The following SOBP variants were observed in gnomAD, a reference collection of about 807,000 sequenced individuals.
SOBP encodes the protein sine oculis binding protein homolog.
In SOBP, 4 loss-of-function variants were observed where a neutral mutation model predicts 53.6. The observed-to-expected ratio is 0.07, with a 90% CI of 0.04 to 0.17. SOBP has a LOEUF of 0.17. Among genes scored for constraint, SOBP ranks in the 10% least tolerant of loss-of-function variants. SOBP has a pLI of 1.00. For missense variants in SOBP, 1,088 were observed against 1,204.7 expected (o/e 0.90, Z 1.43); for synonymous variants, 584 against 522.6 (o/e 1.12, Z -1.60).
chr6:107,573,895 A>T (rs956785509), intron 4 of SOBP, among the ~76,000 whole-genome samples: 1 of 152,264 alleles, frequency 6.6e-6, no homozygotes, highest in Non-Finnish European at 1.5e-5. Flanking sequence ...CTTTACTGTT[A>T]TCATTGAACT....
At chr6:107,491,752 A>G (rs561098571) in intron 1 of SOBP, among the ~76,000 whole-genome samples, 4 of 152,232 alleles carry the variant, frequency 2.6e-5, no homozygotes, top group Non-Finnish European at 4.4e-5. Flanking sequence ...CATCTTCTGC[A>G]TGAAATCCTT....
intron 4 of SOBP, among the ~76,000 whole-genome samples, chr6:107,537,274 A>G (rs1784026089): frequency 6.6e-6 from 1 of 152,240 alleles, no homozygotes; most frequent in Non-Finnish European, 1.5e-5. Context: ...AGTCACTTCC[A>G]AATGGCCTGT....
chr6:107,585,955 T>A (rs893085642), intron 4 of SOBP, among the ~76,000 whole-genome samples: 3 of 152,122 alleles, frequency 2.0e-5, no homozygotes, highest in African/African-American at 7.2e-5. Context: ...CATTGTTTTC[T>A]CCCCCCTCAA....
chr6:107,643,929 A>G (rs186448618), intron 6 of SOBP, among the ~76,000 whole-genome samples: 1 of 152,360 alleles, frequency 6.6e-6, no homozygotes, highest in African/African-American at 2.4e-5. Context: ...AAAAAATCAT[A>G]AACAAGATTG....
chr6:107,623,824 G>C lies in SOBP; in HGVS notation c.670-9690G>C, dbSNP rs141622418. ...CGGTTGACCAGAAACTCAGAGTGAA[G>C]TAGGCAGCATAGTAGAGTGAAAAGA... is the stretch of plus-strand genomic sequence containing the variant. On this transcript the variant is annotated intron_variant, in intron 5 of 6. Coordinates refer to ENST00000317357, the MANE Select transcript of SOBP (RefSeq NM_018013.4). 1.9e-3 allele frequency among the ~76,000 whole-genome samples: 283 copies of C among 152,312 alleles called. 2 individuals are homozygous for C. The highest frequency in any genetic ancestry group is 5.8e-3 in the African/African-American group (241 of 41,576).
chr6:107,572,638 A>C (rs972073903), intron 4 of SOBP, among the ~76,000 whole-genome samples: 4 of 152,184 alleles, frequency 2.6e-5, no homozygotes, highest in Admixed American at 6.5e-5. Flanking sequence ...GGTGAGCCAA[A>C]TATCAGATTG....
At chr6:107,517,370 G>A (rs962722327) in intron 3 of SOBP, among the ~76,000 whole-genome samples, 1 of 152,120 alleles carries the variant, frequency 6.6e-6, no homozygotes, top group Admixed American at 6.5e-5. Flanking sequence ...CTCTCTCCTT[G>A]GAGTGTAGAT....
intron 1 of SOBP, among the ~76,000 whole-genome samples, chr6:107,496,937 G>C (rs1376512234): frequency 6.6e-6 from 1 of 152,226 alleles, no homozygotes; most frequent in Admixed American, 6.5e-5. Flanking sequence ...CACTGGGTCT[G>C]TGTTAAGAAA....
At chr6:107,562,626 C>T (rs1583214457) in intron 4 of SOBP, among the ~76,000 whole-genome samples, 1 of 152,134 alleles carries the variant, frequency 6.6e-6, no homozygotes, top group African/African-American at 2.4e-5. Context: ...CTGGGGCAAA[C>T]AGTTATTTCC....
In SOBP at chr6:107,490,441, G is replaced by A; in HGVS notation, c.-176G>A. The stretch of plus-strand genomic sequence containing the variant: ...ACTGACGTCCTCCGCCGCTAGAAGA[G>A]ACCCCGCTTCTCGGCGCCTGCCCTC... On this transcript the variant is annotated 5_prime_UTR_variant, in exon 1 of 7. Transcript: ENST00000317357. 1.7e-6 allele frequency: 1 copy of A among 575,396 alleles called. No individual in the cohort carries two copies. The highest frequency in any genetic ancestry group is 3.1e-6 in the Non-Finnish European group (1 of 323,760). 35.6% of individuals were successfully genotyped at this position (575,396 alleles called of 1,614,324 possible).
rs1367266412 is a variant in SOBP at position 107,509,539 on chromosome 6, A to G, written c.421+3112A>G. The stretch of plus-strand genomic sequence containing the variant: ...ATTGTGCATAAAAAGGTGTGCATCC[A>G]AATGCAAATTGGTCTCTAAGATTTA... On this transcript the variant is annotated intron_variant, in intron 3 of 6. Coordinates refer to ENST00000317357, the MANE Select transcript of SOBP (RefSeq NM_018013.4). 2.0e-5 allele frequency among the ~76,000 whole-genome samples: 3 copies of G among 152,126 alleles called. No individual in the cohort carries two copies. In the East Asian group the frequency reaches 5.8e-4, roughly 29 times the overall value.
Position 107,634,759 on chromosome 6 carries a change from C to G in SOBP, c.1915C>G (p.Gln639Glu). 7.4e-7 allele frequency: 1 copy of G among 1,343,836 alleles called. No individual in the cohort carries two copies. The highest frequency in any genetic ancestry group is 9.5e-7 in the Non-Finnish European group (1 of 1,053,948). The allele number at this position is 1,343,836 out of a possible 1,614,324, so 83.2% of individuals were successfully genotyped here. Residue 639 changes from glutamine (Q) to glutamate (E), a missense_variant, in exon 6 of 7, where the codon CAG (glutamine) becomes GAG (glutamate). By Grantham distance (29) the Gln-to-Glu change is conservative (BLOSUM62 2). Around this residue, in one of 6 missense-constraint regions of SOBP, gnomAD observed 665 missense variants for 629.7 expected, o/e 1.06. Transcript: ENST00000317357. The surrounding 1 kb of genome is among the most constrained non-coding windows in gnomAD (Gnocchi z 4.5). ...SPPGPPGAGG[Q>E]LGFPGVLQGP... ...CCCGGGCCCCCCGGGCGCGGGCGGC[C>G]AGCTCGGCTTCCCAGGCGTGCTGCA...
chr6:107,648,038 G>A (rs1237036797), intron 6 of SOBP, among the ~76,000 whole-genome samples: 1 of 152,126 alleles, frequency 6.6e-6, no homozygotes, highest in Non-Finnish European at 1.5e-5. Flanking sequence ...CTGCTAATGG[G>A]CTGGTCATAA....
intron 4 of SOBP, among the ~76,000 whole-genome samples, chr6:107,545,292 A>G (rs1784266894): frequency 6.6e-6 from 1 of 152,210 alleles, no homozygotes; most frequent in African/African-American, 2.4e-5. Flanking sequence ...GTTAACGTTA[A>G]TACAAGGGCA....
chr6:107,575,010 C>T (rs1460978914), intron 4 of SOBP, among the ~76,000 whole-genome samples: 1 of 152,232 alleles, frequency 6.6e-6, no homozygotes, highest in Non-Finnish European at 1.5e-5. Context: ...TTCTGCCACT[C>T]ATTGTCACCA....
intron 1 of SOBP, among the ~76,000 whole-genome samples, chr6:107,502,580 G>A (rs533102801): frequency 6.6e-6 from 1 of 152,068 alleles, no homozygotes; most frequent in Non-Finnish European, 1.5e-5. Flanking sequence ...TTACATTTAT[G>A]TATTGATTTA....
chr6:107,529,567 T>A (rs1304916061), intron 3 of SOBP: 1 of 985,334 alleles, frequency 1.0e-6, no homozygotes, highest in Non-Finnish European at 1.2e-6. Flanking sequence ...TTTAATTGCC[T>A]GGAGTCCATT....
At chr6:107,557,891 C>G (rs1784660528) in intron 4 of SOBP, 1 of 152,158 alleles carries the variant, frequency 6.6e-6, no homozygotes, top group South Asian at 2.1e-4. Flanking sequence ...GGAGGATGAG[C>G]AGAAGATGAC....
chr6:107,654,875 C>T (rs1371017849), intron 6 of SOBP, among the ~76,000 whole-genome samples: 1 of 146,566 alleles, frequency 6.8e-6, no homozygotes, highest in Non-Finnish European at 1.5e-5. Context: ...GGGAGGGTGA[C>T]TGAGGAACAT....
Sources: allele counts gnomAD v4.1 joint callset (sites outside exome capture counted in the v4.1 genomes callset), GRCh38; gene constraint gnomAD v4.1.1; regional missense constraint gnomAD v4.1.1; non-coding constraint Gnocchi (gnomAD v3.1); transcripts MANE v1.5; gene names NCBI Gene and HGNC (gene_info 2026-07-23, HGNC 2026-07-21).